QRFPR: variants seen among roughly 807,000 people sequenced by gnomAD.
The protein encoded by QRFPR is pyroglutamylated RF-amide peptide receptor.
In QRFPR, 37 loss-of-function variants were observed where a neutral mutation model predicts 31.3. The observed-to-expected ratio is 1.18, with a 90% CI of 0.91 to 1.56. The LOEUF (loss-of-function observed/expected upper bound fraction) is 1.56. Ranked by LOEUF, QRFPR falls within the 40% of genes most tolerant of loss-of-function variation. QRFPR has a pLI of 0.00. For synonymous variants in QRFPR, 197 were observed against 192.0 expected (o/e 1.03, Z -0.22); for missense variants, 542 against 532.5 (o/e 1.02, Z -0.18).
intron 1 of QRFPR, among the ~76,000 whole-genome samples, chr4:121,344,945 A>AT (rs1725614740): frequency 6.6e-6 from 1 of 152,200 alleles, no homozygotes; most frequent in Admixed American, 6.5e-5. Context: ...CATTCCCTGC[A>AT]TAGGAACTGT....
intron 3 of QRFPR, among the ~76,000 whole-genome samples, chr4:121,333,379 T>C (rs986401722): frequency 6.6e-6 from 1 of 152,218 alleles, no homozygotes; most frequent in Admixed American, 6.5e-5. Context: ...AAGAGCACTA[T>C]ATTTGCCAAA....
At chr4:121,341,090 A>G (rs1046499460) in intron 1 of QRFPR, among the ~76,000 whole-genome samples, 39 of 152,230 alleles carry the variant, frequency 2.6e-4, no homozygotes, top group African/African-American at 8.7e-4. Flanking sequence ...TTATATATGT[A>G]TTACACCATT....
At position 121,340,478 on chromosome 4, in the gene QRFPR, G is replaced by C. The variant is rs1404563394; in HGVS notation, c.473C>G (p.Thr158Ser). ...VHPFKMKWQY[T>S]NRRAFTMLGV... is the part of the protein sequence containing the mutation. ...TAGCATTGTGAAAGCCCTTCGGTTG[G>C]TGTATTGCCACTTCATTTTAAAAGG... is the stretch of plus-strand genomic sequence containing the variant. The change falls in exon 2 of 6, where the codon ACC becomes AGC. Residue 158 changes from threonine (T) to serine (S), a missense_variant. Thr to Ser is a moderately conservative substitution (Grantham distance 58). Coordinates refer to ENST00000394427, the MANE Select transcript of QRFPR (RefSeq NM_198179.3). 3.1e-6 allele frequency: 5 copies of C among 1,614,036 alleles called. No individual in the cohort carries two copies. The highest frequency in any genetic ancestry group is 1.6e-4 in the Middle Eastern group (1 of 6,062).
chr4:121,365,564 ATT>A (rs1560743785), intron 1 of QRFPR, among the ~76,000 whole-genome samples: 91 of 5,210 alleles, frequency 0.017, 7 homozygotes, highest in African/African-American at 0.085. Context: ...TATAATATAT[ATT>A]ATATATAATA....
intron 1 of QRFPR, among the ~76,000 whole-genome samples, chr4:121,373,592 T>C (rs1026864896): frequency 6.6e-6 from 1 of 152,234 alleles, no homozygotes; most frequent in African/African-American, 2.4e-5. Context: ...TTACCATATG[T>C]AAATTTCCCC....
chr4:121,343,295 A>C (rs1325757313), intron 1 of QRFPR, among the ~76,000 whole-genome samples: 3 of 151,964 alleles, frequency 2.0e-5, no homozygotes, highest in Non-Finnish European at 4.4e-5. Context: ...TTAACCCAAG[A>C]CTCCCTTATC....
At chr4:121,353,502 C>T (rs1725802972) in intron 1 of QRFPR, among the ~76,000 whole-genome samples, 1 of 152,006 alleles carries the variant, frequency 6.6e-6, no homozygotes, top group African/African-American at 2.4e-5. Context: ...AACTGTTGGC[C>T]ACTTGCATGT....
intron 1 of QRFPR, among the ~76,000 whole-genome samples, chr4:121,365,674 T>TAA (rs1726123978): frequency 3.4e-5 from 1 of 29,656 alleles, no homozygotes; most frequent in African/African-American, 1.3e-4. Flanking sequence ...TTTTATATAT[T>TAA]ATATATATAT....
At chr4:121,355,911 G>A (rs926216730) in intron 1 of QRFPR, among the ~76,000 whole-genome samples, 1 of 151,988 alleles carries the variant, frequency 6.6e-6, no homozygotes, top group Admixed American at 6.6e-5. Context: ...ATTCCATGGT[G>A]GTCAGAGAAG....
chr4:121,337,212 G>T (rs1272684284), intron 2 of QRFPR, among the ~76,000 whole-genome samples: 2 of 152,102 alleles, frequency 1.3e-5, no homozygotes, highest in African/African-American at 4.8e-5. Context: ...CCTCTACTGA[G>T]GAGCCTGCAG....
intron 1 of QRFPR, among the ~76,000 whole-genome samples, chr4:121,359,525 C>T (rs1252832013): frequency 6.6e-6 from 1 of 152,086 alleles, no homozygotes; most frequent in Non-Finnish European, 1.5e-5. Flanking sequence ...ACTCCAAGTC[C>T]TTCAGTTTTG....
At position 121,329,395 on chromosome 4, in the gene QRFPR, CTCTG is replaced by C. The variant is rs751368198; in HGVS notation, c.1211_1214del (p.Thr404ArgfsTer23). ...GATGTCGTTTGAGCTTTTTCTTCTCCTCTGTCTGTTCACACAATTTGACTTCAAT... is the reference window on the plus strand; with the variant it reads ...GATGTCGTTTGAGCTTTTTCTTCTCCTCTGTTCACACAATTTGACTTCAAT... On this transcript the variant is annotated frameshift_variant, in exon 6 of 6. Transcript: ENST00000394427. LOFTEE classifies it low-confidence loss of function (END_TRUNC). The C allele has an allele frequency of 4.3e-6, 7 of 1,614,102 alleles. No individual in the cohort carries two copies. The South Asian group carries it at 5.5e-5, about 13-fold the overall frequency.
intron 4 of QRFPR, among the ~76,000 whole-genome samples, chr4:121,332,319 T>C (rs1725342688): frequency 6.6e-6 from 1 of 152,210 alleles, no homozygotes; most frequent in Admixed American, 6.5e-5. Context: ...AACTCAATAA[T>C]AATAATTTAA....
rs768283361 is a variant in QRFPR, at chr4:121,380,601, C to G, written c.47G>C (p.Arg16Pro). 4.1e-5 allele frequency: 65 copies of G among 1,601,562 alleles called. No individual in the cohort carries two copies. The highest frequency in any genetic ancestry group is 5.4e-5 in the Non-Finnish European group (63 of 1,173,018). Residue 16 changes from arginine (R) to proline (P), a missense_variant, in exon 1 of 6, where the codon CGG becomes CCG. Coordinates refer to ENST00000394427, the MANE Select transcript of QRFPR (RefSeq NM_198179.3). ...ITPEQFSRLL[R>P]DHNLTREQFI... ...CTGCTCCCGCGTCAGGTTGTGGTCC[C>G]GCAGCAGCCGAGAGAACTGCTCCGG...
At position 121,329,032 on chromosome 4, in the gene QRFPR, G is replaced by C. The variant is rs917743152; in HGVS notation, c.*282C>G. 1.6e-5 allele frequency: 4 copies of C among 249,272 alleles called. No homozygotes were observed. In the East Asian group the frequency reaches 3.5e-4, roughly 22 times the overall value. 15.4% of individuals were successfully genotyped at this position (249,272 alleles called of 1,614,324 possible). On this transcript the variant is annotated 3_prime_UTR_variant, in exon 6 of 6. Coordinates refer to ENST00000394427, the MANE Select transcript of QRFPR (RefSeq NM_198179.3). ...GCCTCCCAAAGTGCTGGGATTACAG[G>C]CATGAGCCACCGTGCCTGGCCTTCC...
chr4:121,377,642 A>G (rs2110486979), intron 1 of QRFPR, among the ~76,000 whole-genome samples: 1 of 152,212 alleles, frequency 6.6e-6, no homozygotes, highest in Admixed American at 6.5e-5. Flanking sequence ...CAGCTTGAAC[A>G]TCACATCCTT....
At chr4:121,353,230 C>G (rs1408498280) in intron 1 of QRFPR, among the ~76,000 whole-genome samples, 1 of 152,054 alleles carries the variant, frequency 6.6e-6, no homozygotes, top group Non-Finnish European at 1.5e-5. Context: ...TGGATGTATA[C>G]TCAGCAGTGG....
At chr4:121,346,376 C>T (rs1023214966) in intron 1 of QRFPR, among the ~76,000 whole-genome samples, 3 of 152,142 alleles carry the variant, frequency 2.0e-5, no homozygotes, top group Admixed American at 6.6e-5. Context: ...TATATAGAAA[C>T]GTGATTGTGT....
chr4:121,343,513 T>C (rs1269693844), intron 1 of QRFPR, among the ~76,000 whole-genome samples: 3 of 152,236 alleles, frequency 2.0e-5, no homozygotes, highest in Non-Finnish European at 2.9e-5. Context: ...GGTGGGAATT[T>C]ACTTTCAATG....
Sources: gnomAD v4.1 joint callset for allele counts (sites outside exome capture counted in the v4.1 genomes callset) on GRCh38, gnomAD v4.1.1 for gene constraint, MANE v1.5 for transcripts, NCBI Gene and HGNC (gene_info 2026-07-23, HGNC 2026-07-21) for gene names.